CYP17A1: variants seen among roughly 807,000 people sequenced by gnomAD.
CYP17A1 encodes the protein steroid 17-alpha-hydroxylase/17,20 lyase.
In CYP17A1, 27 loss-of-function variants were observed where a neutral mutation model predicts 38.5. The ratio of observed to expected loss-of-function variants is 0.70; its 90% CI spans 0.52 to 0.97. The LOEUF (loss-of-function observed/expected upper bound fraction) is 0.97, where lower values mean the gene tolerates loss of function less well. Ranked by LOEUF, CYP17A1 falls within the 50% of genes least tolerant of loss-of-function variation. The pLI is 0.00. For missense variants in CYP17A1, 549 were observed against 645.9 expected (o/e 0.85, Z 1.63); for synonymous variants, 263 against 253.3 (o/e 1.04, Z -0.36).
chr10:102,831,422 C>T lies in CYP17A1; in HGVS notation c.1243+86G>A, dbSNP rs947001775. ...GAGCCAAGAGTTTTCTAGCAGCAAGCTTGGCAGAGGTGAAGGGGTACTGGG... is the reference window on the plus strand; with the variant it reads ...GAGCCAAGAGTTTTCTAGCAGCAAGTTTGGCAGAGGTGAAGGGGTACTGGG... On this transcript the variant is annotated intron_variant, in intron 7 of 7. Transcript: ENST00000369887. The T allele has an allele frequency of 4.4e-6, 7 of 1,576,138 alleles. No individual in the cohort carries two copies. In the African/African-American group the frequency reaches 9.4e-5, roughly 21 times the overall value.
Position 102,837,251 on chromosome 10 carries a change from C to T in CYP17A1, c.111G>A (p.Val37=). 1.2e-6 allele frequency: 2 copies of T among 1,606,832 alleles called. No individual in the cohort carries two copies. Among genetic ancestry groups the T allele is most frequent in the South Asian group, 2.2e-5 (2 of 90,940 alleles). Residue 37 remains valine, a synonymous_variant, in exon 1 of 8, where the codon GTG becomes GTA. Transcript: ENST00000369887. ...GTCTGGGGAGGAATGGCAGGCTGCC[C>T]ACCAGGGGCAGGGACAGGAGGCTCT... ...YPKSLLSLPL[V]GSLPFLPRHG...
rs1355832951 is a variant in CYP17A1, at chr10:102,837,073, GC to G, written c.288del (p.Pro97LeufsTer6). The G allele has an allele frequency of 6.3e-7, 1 of 1,597,396 alleles. No individual in the cohort carries two copies. Among genetic ancestry groups the G allele is most frequent in the South Asian group, 1.1e-5 (1 of 90,700 alleles). On this transcript the variant is annotated frameshift_variant, in exon 1 of 8. Transcript: ENST00000369887. LOFTEE classifies it high-confidence loss of function. ...AGATGGGCACCACTTACCATTTGAG[GC>G]CGCCCAGAGAAGTCCTTGCCCTTCT... ...LIKKGKDFSG[R>X]PQMATLDIAS...
At chr10:102,831,686 A>T (rs1844091911) in intron 6 of CYP17A1, 75 bp from the exon 7 acceptor site, 1 of 1,594,884 alleles carries the variant, frequency 6.3e-7, no homozygotes, top group Admixed American at 1.7e-5. Flanking sequence ...ATGCCCCCTC[A>T]TTCTTCCGCC....
At position 102,833,120 on chromosome 10, in the gene CYP17A1, T is replaced by A; in HGVS notation, c.842A>T (p.Asp281Val). ...MNSDNGNAGP[D>V]QDSELLSDNH... ...ATCTGAAAGCAGCTCTGAGTCTTGATCTGGGCCAGCATTGCCATTATCTGA... is the reference window on the plus strand; with the variant it reads ...ATCTGAAAGCAGCTCTGAGTCTTGAACTGGGCCAGCATTGCCATTATCTGA... Residue 281 changes from aspartate to valine, a missense_variant, in exon 5 of 8, where the codon GAT becomes GTT. By Grantham distance (152) the Asp-to-Val change is radical (BLOSUM62 -3). Transcript: ENST00000369887. 6.2e-7 allele frequency: 1 copy of A among 1,614,176 alleles called. No homozygotes were observed. Among genetic ancestry groups the A allele is most frequent in the South Asian group, 1.1e-5 (1 of 91,088 alleles).
At position 102,832,532 on chromosome 10, in the gene CYP17A1, T is replaced by A. The variant is rs760695410; in HGVS notation, c.1118A>T (p.His373Leu). 6.8e-6 allele frequency: 11 copies of A among 1,609,392 alleles called. No homozygotes were observed. In the East Asian group the frequency reaches 2.5e-4, roughly 36 times the overall value. ...ACACCTGGAGTCAACGTTGGCCTTG[T>A]GGGGGATGAGCATAGGGGCCACGGG... ...LRPVAPMLIP[H>L]KANVDSSIGE... The change falls in exon 6 of 8, where the codon CAC (histidine) becomes CTC (leucine). Residue 373 changes from histidine to leucine, a missense_variant. By Grantham distance (99) the His-to-Leu change is moderately conservative. Around this residue, in one of 3 missense-constraint regions of CYP17A1, gnomAD observed 257 missense variants for 307.9 expected, o/e 0.83. Transcript: ENST00000369887.
At position 102,835,088 on chromosome 10, in the gene CYP17A1, A is replaced by C. The variant is rs995317924; in HGVS notation, c.437-74T>G. The C allele has an allele frequency of 9.6e-6, 11 of 1,150,638 alleles. No homozygotes were observed. In the African/African-American group the frequency reaches 1.5e-4, roughly 16 times the overall value. 71.3% of individuals were successfully genotyped at this position (1,150,638 alleles called of 1,614,324 possible). On this transcript the variant is annotated intron_variant, in intron 2 of 7. Coordinates refer to ENST00000369887, the MANE Select transcript of CYP17A1 (RefSeq NM_000102.4). ...CCCCTCTCTGTACCAGTTGCCTCTT[A>C]ACAGGAGCGGGGGACAGATAGCAGA...
At chr10:102,833,792 A>G (rs1046803954) in intron 4 of CYP17A1, 9 of 450,846 alleles carry the variant, frequency 2.0e-5, no homozygotes, top group Non-Finnish European at 3.2e-5. Flanking sequence ...GGGTTTCACC[A>G]TATTGGCCAG....
In CYP17A1 at chr10:102,835,372, G is replaced by T; in HGVS notation, c.318C>A (p.Ser106=). 1 of 1,612,886 alleles carries T rather than the reference G, an allele frequency of 6.2e-7. No individual in the cohort carries two copies. The highest frequency in any genetic ancestry group is 8.5e-7 in the Non-Finnish European group (1 of 1,178,802). Residue 106 remains serine, a synonymous_variant, in exon 2 of 8, where the codon TCC becomes TCA. Coordinates refer to ENST00000369887, the MANE Select transcript of CYP17A1 (RefSeq NM_000102.4). ...RPQMATLDIA[S]NNRKGIAFAD... is the part of the protein sequence containing the mutation. ...CGAAGGCGATACCCTTACGGTTGTT[G>T]GACGCGATGTCTAGAGTTGCCTTTA...
In CYP17A1 at chr10:102,830,585, A is replaced by C. The variant is rs1307408202; in HGVS notation, c.*117T>G. On this transcript the variant is annotated 3_prime_UTR_variant, in exon 8 of 8. Transcript: ENST00000369887. This position sits in a 1 kb window ranked among gnomAD's most constrained non-coding sequence, Gnocchi z 4.1. ...ATCACTGGCATTGCCACAAGCTGAA[A>C]AAGAAGGCAGAGTGGGTTGGGAGTA... The C allele has an allele frequency of 1.5e-6, 1 of 683,136 alleles. No individual in the cohort carries two copies. Among genetic ancestry groups the C allele is most frequent in the Non-Finnish European group, 2.6e-6 (1 of 382,104 alleles). The allele number at this position is 683,136 out of a possible 1,614,324, so 42.3% of individuals were successfully genotyped here.
Position 102,830,536 on chromosome 10 carries a change from G to GAAA in CYP17A1, c.*163_*165dup. 3 of 488,102 alleles carry GAAA rather than the reference G, an allele frequency of 6.1e-6. No individual in the cohort carries two copies. The highest frequency in any genetic ancestry group is 2.5e-5 in the South Asian group (1 of 39,676). The allele number at this position is 488,102 out of a possible 1,614,324, so 30.2% of individuals were successfully genotyped here. ...AAATGAACTACTCAGGGACCTTATG[G>GAAA]AAAAAAAAAAACTGTTTATGCACAT... is the stretch of plus-strand genomic sequence containing the variant. On this transcript the variant is annotated 3_prime_UTR_variant, in exon 8 of 8. Transcript: ENST00000369887. The surrounding 1 kb of genome is among the most constrained non-coding windows in gnomAD (Gnocchi z 4.1).
chr10:102,833,300 G>GTT (rs1844116502), intron 4 of CYP17A1, 92 bp from the exon 5 acceptor site: 1 of 1,603,348 alleles, frequency 6.2e-7, no homozygotes, highest in African/African-American at 1.3e-5. Context: ...GAGATAACAA[G>GTT]GCTCCTTCCA....
At position 102,834,415 on chromosome 10, in the gene CYP17A1, G is replaced by T. The variant is rs1044788527; in HGVS notation, c.667-293C>A. The T allele has an allele frequency of 3.6e-6, 2 of 551,052 alleles. 1 individual carries two copies. The highest frequency in any genetic ancestry group is 4.1e-5 in the South Asian group (2 of 48,320). The allele number at this position is 551,052 out of a possible 1,614,324, so 34.1% of individuals were successfully genotyped here. ...CAGCCCTTAGGAGTGAGAGAGACAT[G>T]AGCCTGAAGGCTCAGACAAGCTCCT... is the stretch of plus-strand genomic sequence containing the variant. On this transcript the variant is annotated intron_variant, in intron 3 of 7. Coordinates refer to ENST00000369887, the MANE Select transcript of CYP17A1 (RefSeq NM_000102.4).
Position 102,835,408 on chromosome 10 carries a change from A to C in CYP17A1, c.298-16T>G, listed in dbSNP as rs905111432. The C allele has an allele frequency of 6.2e-7, 1 of 1,607,966 alleles. No homozygotes were observed. Among genetic ancestry groups the C allele is most frequent in the African/African-American group, 1.3e-5 (1 of 74,832 alleles). On this transcript the variant is annotated splice_polypyrimidine_tract_variant and intron_variant, in intron 1 of 7. Coordinates refer to ENST00000369887, the MANE Select transcript of CYP17A1 (RefSeq NM_000102.4). Reference sequence around the variant, plus strand: ...CTAGAGTTGCCTTTAGAGAGCAGGCAAGGCTGTAGGAATCTCACACCATCC... The same window carrying C: ...CTAGAGTTGCCTTTAGAGAGCAGGCCAGGCTGTAGGAATCTCACACCATCC...
At chr10:102,835,497 T>TGGAGGAGAA in intron 1 of CYP17A1, 105 bp from the exon 2 acceptor site, 3 of 963,944 alleles carry the variant, frequency 3.1e-6, no homozygotes, top group Non-Finnish European at 5.1e-6. Flanking sequence ...GGCAGGTACC[T>TGGAGGAGAA]GGCATGCTGA....
rs1844088171 is a variant in CYP17A1, at chr10:102,831,504, T to C, written c.1243+4A>G. 6.2e-7 allele frequency: 1 copy of C among 1,613,876 alleles called. No homozygotes were observed. Among genetic ancestry groups the C allele is most frequent in the Non-Finnish European group, 8.5e-7 (1 of 1,180,018 alleles). ...GCCCAGGGCGCAGGACAGGACAGAC[T>C]CACCAGGCATGAACTGATCCGGCTG... On this transcript the variant is annotated splice_donor_region_variant and intron_variant, in intron 7 of 7. Transcript: ENST00000369887.
intron 3 of CYP17A1, 71 bp downstream of exon 3, chr10:102,834,714 A>G: frequency 6.2e-7 from 1 of 1,611,518 alleles, no homozygotes; most frequent in Non-Finnish European, 8.5e-7. Context: ...GCAGGGAAGT[A>G]AAAAGGAAGG....
chr10:102,834,602 A>G (rs1844135295), intron 3 of CYP17A1, 183 bp downstream of exon 3: 3 of 767,718 alleles, frequency 3.9e-6, no homozygotes, highest in Non-Finnish European at 6.5e-6. Flanking sequence ...CATAATTAAA[A>G]GGCTAAATCT....
chr10:102,836,128 G>A (rs1027459287), intron 1 of CYP17A1, among the ~76,000 whole-genome samples: 3 of 152,082 alleles, frequency 2.0e-5, no homozygotes, highest in Non-Finnish European at 4.4e-5. Flanking sequence ...TGGCTGATTG[G>A]TCCAAGAAAA....
chr10:102,830,564 C>G lies in CYP17A1; in HGVS notation c.*138G>C. 1 of 639,746 alleles carries G rather than the reference C, an allele frequency of 1.6e-6. No homozygotes were observed. The highest frequency in any genetic ancestry group is 1.8e-5 in the South Asian group (1 of 56,780). The allele number at this position is 639,746 out of a possible 1,614,324, so 39.6% of individuals were successfully genotyped here. Reference sequence around the variant, plus strand: ...AAAAAAAAACTGTTTATGCACATCACTGGCATTGCCACAAGCTGAAAAAGA... The same window carrying G: ...AAAAAAAAACTGTTTATGCACATCAGTGGCATTGCCACAAGCTGAAAAAGA... On this transcript the variant is annotated 3_prime_UTR_variant, in exon 8 of 8. Transcript: ENST00000369887. The surrounding 1 kb of genome is among the most constrained non-coding windows in gnomAD (Gnocchi z 4.1).
Sources: allele counts gnomAD v4.1 joint callset (sites outside exome capture counted in the v4.1 genomes callset), GRCh38; gene constraint gnomAD v4.1.1; regional missense constraint gnomAD v4.1.1; non-coding constraint Gnocchi (gnomAD v3.1); transcripts MANE v1.5; gene names NCBI Gene and HGNC (gene_info 2026-07-23, HGNC 2026-07-21).